The following TAFA2 variants were observed in gnomAD, a reference collection of about 807,000 sequenced individuals.
The protein encoded by TAFA2 is chemokine-like protein TAFA-2.
Under a neutral mutation model 18.8 loss-of-function variants are expected in TAFA2, and 7 were observed. The ratio of observed to expected loss-of-function variants is 0.37; its 90% CI spans 0.21 to 0.70. The LOEUF (loss-of-function observed/expected upper bound fraction) is 0.70, where lower values mean the gene tolerates loss of function less well. Among genes scored for constraint, TAFA2 ranks in the 30% least tolerant of loss-of-function variants. The pLI is 0.53. For synonymous variants in TAFA2, 60 were observed against 54.2 expected (o/e 1.11, Z -0.47); for missense variants, 122 against 158.1 (o/e 0.77, Z 1.23).
chr12:62,178,543 G>T (rs1000630012), intron 1 of TAFA2, among the ~76,000 whole-genome samples: 2 of 152,138 alleles, frequency 1.3e-5, no homozygotes, highest in African/African-American at 2.4e-5. Flanking sequence ...CCTGGCAAAA[G>T]ACACAAGATT....
chr12:62,093,891 A>G (rs527820343), intron 1 of TAFA2, among the ~76,000 whole-genome samples: 3 of 152,060 alleles, frequency 2.0e-5, no homozygotes, highest in Non-Finnish European at 4.4e-5. Flanking sequence ...CAAAATAAAA[A>G]GTCAAATTTC....
At chr12:61,953,304 G>T (rs917177810) in intron 1 of TAFA2, among the ~76,000 whole-genome samples, 2 of 151,948 alleles carry the variant, frequency 1.3e-5, no homozygotes, top group Non-Finnish European at 2.9e-5. Flanking sequence ...ATTTTGTTTG[G>T]ATTACAGGTC....
intron 1 of TAFA2, among the ~76,000 whole-genome samples, chr12:62,214,620 A>T (rs1443946063): frequency 6.6e-6 from 1 of 152,232 alleles, no homozygotes; most frequent in Admixed American, 6.5e-5. Flanking sequence ...TAATTAAATT[A>T]AAATGAGGTC....
chr12:62,090,162 A>C (rs1005532172), intron 1 of TAFA2, among the ~76,000 whole-genome samples: 1 of 152,028 alleles, frequency 6.6e-6, no homozygotes, highest in African/African-American at 2.4e-5. Flanking sequence ...CCAGTGGATA[A>C]AATTTCAACA....
At chr12:62,045,281 G>A (rs754100424) in intron 1 of TAFA2, among the ~76,000 whole-genome samples, 5 of 152,006 alleles carry the variant, frequency 3.3e-5, no homozygotes, top group Non-Finnish European at 7.4e-5. Context: ...CAACTTCTCT[G>A]TTCATGCTTG....
At chr12:61,920,186 T>C (rs996793967) in intron 1 of TAFA2, among the ~76,000 whole-genome samples, 3 of 152,174 alleles carry the variant, frequency 2.0e-5, no homozygotes, top group Admixed American at 2.0e-4. Flanking sequence ...CTTCTTCAAT[T>C]GACAGTTAAA....
At chr12:62,170,951 T>A (rs1353711673) in intron 1 of TAFA2, among the ~76,000 whole-genome samples, 1 of 152,200 alleles carries the variant, frequency 6.6e-6, no homozygotes, top group East Asian at 1.9e-4. Flanking sequence ...AGGTTTACTC[T>A]TAATTTTATA....
At chr12:61,749,656 C>T (rs1592363927) in intron 4 of TAFA2, among the ~76,000 whole-genome samples, 1 of 152,002 alleles carries the variant, frequency 6.6e-6, no homozygotes, top group Non-Finnish European at 1.5e-5. Flanking sequence ...CTTATCTGCT[C>T]AAGCCACTTT....
chr12:61,885,242 G>A (rs1875324135), intron 1 of TAFA2, among the ~76,000 whole-genome samples: 1 of 152,144 alleles, frequency 6.6e-6, no homozygotes, highest in South Asian at 2.1e-4. Context: ...GTTCCTTCTA[G>A]CATATCATCC....
At chr12:62,007,695 T>A (rs1355185849) in intron 1 of TAFA2, among the ~76,000 whole-genome samples, 1 of 152,194 alleles carries the variant, frequency 6.6e-6, no homozygotes, top group Admixed American at 6.5e-5. Flanking sequence ...GTACTTTTTT[T>A]AAAGTTTTAC....
chr12:62,131,749 A>G (rs1411278858), intron 1 of TAFA2, among the ~76,000 whole-genome samples: 2 of 152,012 alleles, frequency 1.3e-5, no homozygotes, highest in African/African-American at 4.8e-5. Context: ...TTTAATCTCT[A>G]CTTTAAAGGA....
At chr12:61,787,601 T>G (rs1057466622) in intron 2 of TAFA2, among the ~76,000 whole-genome samples, 4 of 151,680 alleles carry the variant, frequency 2.6e-5, no homozygotes, top group African/African-American at 9.7e-5. Context: ...TACTTTTCTG[T>G]GACCAAAGTT....
At chr12:62,131,060 G>C (rs1033036890) in intron 1 of TAFA2, among the ~76,000 whole-genome samples, 6 of 151,848 alleles carry the variant, frequency 4.0e-5, no homozygotes, top group Non-Finnish European at 8.8e-5. Context: ...ACTGAAAACC[G>C]CACTAATGAA....
intron 4 of TAFA2, among the ~76,000 whole-genome samples, chr12:61,731,601 T>G (rs1870453772): frequency 6.6e-6 from 1 of 151,882 alleles, no homozygotes; most frequent in African/African-American, 2.4e-5. Flanking sequence ...TCATAATTGT[T>G]GCATCAGTAG....
intron 1 of TAFA2, among the ~76,000 whole-genome samples, chr12:62,065,713 G>A (rs1024691928): frequency 6.6e-6 from 1 of 151,984 alleles, no homozygotes; most frequent in African/African-American, 2.4e-5. Context: ...GTGTGTGTGT[G>A]TGTGTTGTGT....
At chr12:62,033,589 A>G (rs548852976) in intron 1 of TAFA2, among the ~76,000 whole-genome samples, 161 of 152,318 alleles carry the variant, frequency 1.1e-3, no homozygotes, top group African/African-American at 3.6e-3. Context: ...TCCAAGATCA[A>G]ATGACTAGAA....
chr12:61,830,481 T>C (rs950787251), intron 2 of TAFA2, among the ~76,000 whole-genome samples: 1 of 151,666 alleles, frequency 6.6e-6, no homozygotes, highest in Non-Finnish European at 1.5e-5. Context: ...TTATCTTAAG[T>C]GAAATAACTC....
At chr12:62,237,493 C>A (rs539934102) in intron 1 of TAFA2, among the ~76,000 whole-genome samples, 1 of 152,194 alleles carries the variant, frequency 6.6e-6, no homozygotes, top group East Asian at 1.9e-4. Context: ...TTTTTGATTT[C>A]TTGATCTGGG....
chr12:62,165,531 A>G (rs2062432942), intron 1 of TAFA2, among the ~76,000 whole-genome samples: 1 of 152,016 alleles, frequency 6.6e-6, no homozygotes, highest in South Asian at 2.1e-4. Flanking sequence ...AGATGTTGTG[A>G]TATTATCTCA....
Sources: allele counts gnomAD v4.1 joint callset (sites outside exome capture counted in the v4.1 genomes callset), GRCh38; gene constraint gnomAD v4.1.1; transcripts MANE v1.5; gene names NCBI Gene and HGNC (gene_info 2026-07-23, HGNC 2026-07-21).